The following PAMR1 variants were observed in gnomAD, a reference collection of about 807,000 sequenced individuals.
The protein encoded by PAMR1 is peptidase domain containing associated with muscle regeneration 1.
Under a neutral mutation model 81.8 loss-of-function variants are expected in PAMR1, and 88 were observed. The observed-to-expected ratio is 1.08, with a 90% confidence interval of 0.91 to 1.28. The LOEUF is 1.28. PAMR1 is among the 50% of genes most tolerant of loss of function. PAMR1 has a pLI of 0.00. For synonymous variants in PAMR1, 336 were observed against 345.3 expected, an observed-to-expected ratio of 0.97 and a Z score of 0.30; for missense variants, 935 against 919.7, an observed-to-expected ratio of 1.02 and a Z score of -0.21.
In PAMR1 at chr11:35,474,753, A is replaced by G; in HGVS notation, c.380-9T>C. 1 of 1,587,016 alleles carries G rather than the reference A, an allele frequency of 6.3e-7. No homozygotes were observed. The highest frequency in any genetic ancestry group is 1.1e-5 in the South Asian group (1 of 88,946). ...CAGAACCTGGCCACATCCTAAGAAA[A>G]GAAGAAAAGATTGGGACATAAAAAT... On this transcript the variant is annotated splice_polypyrimidine_tract_variant and intron_variant, in intron 3 of 10. Transcript: ENST00000619888.
intron 6 of PAMR1, among the ~76,000 whole-genome samples, chr11:35,445,756 G>A (rs527329538): frequency 1.3e-3 from 197 of 152,212 alleles, no homozygotes; most frequent in African/African-American, 3.6e-3. Context: ...GAGGGTTTTT[G>A]CATTGATGTT....
chr11:35,450,225 C>G (rs1042675830), intron 6 of PAMR1, among the ~76,000 whole-genome samples: 1 of 146,478 alleles, frequency 6.8e-6, no homozygotes, highest in East Asian at 2.1e-4. Context: ...CTATGTGCAA[C>G]TTGGCAAGGC....
intron 1 of PAMR1, among the ~76,000 whole-genome samples, chr11:35,514,079 T>C (rs1851120032): frequency 6.6e-6 from 1 of 150,858 alleles, no homozygotes; most frequent in Admixed American, 6.6e-5. Context: ...ATCCATGGAA[T>C]CTGCCCCTCC....
intron 6 of PAMR1, among the ~76,000 whole-genome samples, chr11:35,465,691 C>A (rs1265796536): frequency 6.6e-6 from 1 of 152,192 alleles, no homozygotes; most frequent in African/African-American, 2.4e-5. Flanking sequence ...CAGTAAATGA[C>A]ATATCGGATA....
intron 3 of PAMR1, among the ~76,000 whole-genome samples, chr11:35,486,478 CT>C (rs1217597427): frequency 6.6e-6 from 1 of 152,234 alleles, no homozygotes; most frequent in Non-Finnish European, 1.5e-5. Context: ...CAAGAAATAT[CT>C]TTTGACTGGA....
At chr11:35,439,540 T>A (rs754733144) in intron 8 of PAMR1, 87 bp downstream of exon 8, 1 of 1,093,926 alleles carries the variant, frequency 9.1e-7, no homozygotes, top group Non-Finnish European at 1.4e-6. Flanking sequence ...AAACTGACTA[T>A]CTTTGGCCAA....
At position 35,474,864 on chromosome 11, in the gene PAMR1, A is replaced by G. The variant is rs1004969075; in HGVS notation, c.380-120T>C. The G allele has an allele frequency of 4.7e-6, 3 of 634,146 alleles. No individual in the cohort carries two copies. In the African/African-American group the frequency reaches 5.8e-5, roughly 12 times the overall value. The allele number at this position is 634,146 out of a possible 1,614,324, so 39.3% of individuals were successfully genotyped here. A position where few individuals can be genotyped will look rare whatever the true frequency, so the allele number is the denominator to read the frequency against. On this transcript the variant is annotated intron_variant, in intron 3 of 10. Coordinates refer to ENST00000619888, the MANE Select transcript of PAMR1 (RefSeq NM_001001991.3). ...CCCTGAGAACAGGATGAATAGGGAAAAGGAAGAAGGAAATTAATGTTTCTC... is the reference window on the plus strand; with the variant it reads ...CCCTGAGAACAGGATGAATAGGGAAGAGGAAGAAGGAAATTAATGTTTCTC...
At chr11:35,456,378 T>C (rs1188493633) in intron 6 of PAMR1, among the ~76,000 whole-genome samples, 2 of 152,222 alleles carry the variant, frequency 1.3e-5, no homozygotes, top group Admixed American at 6.5e-5. Flanking sequence ...AGTGGGTTCA[T>C]ACCACTTAGC....
intron 1 of PAMR1, among the ~76,000 whole-genome samples, chr11:35,494,980 C>G (rs1850699393): frequency 6.7e-6 from 1 of 149,696 alleles, no homozygotes; most frequent in South Asian, 2.1e-4. Context: ...ATACATCAGG[C>G]CACTGTTTAC....
chr11:35,492,248 T>G, intron 2 of PAMR1, 75 bp from the exon 3 acceptor site: 2 of 1,524,252 alleles, frequency 1.3e-6, no homozygotes, highest in Non-Finnish European at 1.8e-6. Flanking sequence ...GGAGCACAAC[T>G]GCACCTTCTC....
chr11:35,470,085 T>A (rs575370886), intron 5 of PAMR1, among the ~76,000 whole-genome samples: 23 of 152,218 alleles, frequency 1.5e-4, no homozygotes, highest in Non-Finnish European at 3.4e-4. Context: ...GAATTCTTAC[T>A]ATGTACCAGA....
At chr11:35,523,392 GT>G (rs1219652016) in intron 1 of PAMR1, among the ~76,000 whole-genome samples, 1 of 152,144 alleles carries the variant, frequency 6.6e-6, no homozygotes, top group Admixed American at 6.5e-5. Flanking sequence ...TTTAAATGAG[GT>G]TTTCCTCTTC....
intron 7 of PAMR1, among the ~76,000 whole-genome samples, chr11:35,440,544 G>A (rs749562559): frequency 2.6e-5 from 4 of 152,098 alleles, no homozygotes; most frequent in Non-Finnish European, 4.4e-5. Flanking sequence ...ACAATTATCC[G>A]GATAATCTAG....
At chr11:35,434,441 A>C in intron 10 of PAMR1, 71 bp downstream of exon 10, 1 of 1,463,960 alleles carries the variant, frequency 6.8e-7, no homozygotes. Context: ...GCTTGGTATA[A>C]TCACTGCTCT....
At chr11:35,484,949 T>A (rs565967490) in intron 3 of PAMR1, among the ~76,000 whole-genome samples, 1 of 152,334 alleles carries the variant, frequency 6.6e-6, no homozygotes, top group South Asian at 2.1e-4. Context: ...ACGCAACTTT[T>A]GAGTTTAAGA....
chr11:35,494,105 T>C lies in PAMR1; in HGVS notation c.241A>G (p.Ile81Val), dbSNP rs1027099575. The change falls in exon 2 of 11, where the codon ATC becomes GTC. Residue 81 changes from isoleucine to valine, a missense_variant. Physicochemically the swap from Ile to Val is conservative, Grantham distance 29. Transcript: ENST00000619888. ...CCCATTCCACACTCACCTGGGTGGA[T>C]CAGGCAGGAGTCACACTCATTCTCC... The part of the protein sequence containing the change: ...NEENECDSCL[I>V]HPGCTIFENC... 1 of 1,613,768 alleles carries C rather than the reference T, an allele frequency of 6.2e-7. No homozygotes were observed. Among genetic ancestry groups the C allele is most frequent in the Non-Finnish European group, 8.5e-7 (1 of 1,179,828 alleles).
At chr11:35,526,502 C>T (rs17795246), upstream of PAMR1, among the ~76,000 whole-genome samples, 33,048 of 152,138 alleles carry the variant, frequency 0.22, 3,875 homozygotes, top group Non-Finnish European at 0.26. Flanking sequence ...AAAATAAACT[C>T]CTCCGTGCCA....
intron 3 of PAMR1, among the ~76,000 whole-genome samples, chr11:35,487,216 A>G (rs1428560643): frequency 3.3e-5 from 2 of 61,018 alleles, no homozygotes; most frequent in East Asian, 9.1e-4. Flanking sequence ...AGTTACCCAG[A>G]AAAAAAAAAA....
At chr11:35,498,988 A>T (rs1027747892) in intron 1 of PAMR1, among the ~76,000 whole-genome samples, 1 of 152,130 alleles carries the variant, frequency 6.6e-6, no homozygotes, top group Non-Finnish European at 1.5e-5. Flanking sequence ...CCTCCCTTAC[A>T]TGCCCATAAG....
Sources: allele counts gnomAD v4.1 joint callset (sites outside exome capture counted in the v4.1 genomes callset), GRCh38; gene constraint gnomAD v4.1.1; transcripts MANE v1.5; gene names NCBI Gene and HGNC (gene_info 2026-07-23, HGNC 2026-07-21).